The following SIPA1L3 variants were observed in gnomAD, a reference collection of about 807,000 sequenced individuals.
SIPA1L3 encodes the protein signal-induced proliferation-associated 1-like protein 3.
SIPA1L3 carries 59 observed loss-of-function variants against 150.1 expected under a neutral mutation model. The ratio of observed to expected loss-of-function variants is 0.39; its 90% CI spans 0.32 to 0.49. The LOEUF is 0.49. SIPA1L3 is among the 20% of genes least tolerant of loss of function. The pLI is 0.86. For missense variants in SIPA1L3, 2,211 were observed against 2,489.5 expected (o/e 0.89, Z 2.38); for synonymous variants, 1,070 against 1,077.6 (o/e 0.99, Z 0.14).
intron 16 of SIPA1L3, among the ~76,000 whole-genome samples, chr19:38,191,412 A>C (rs1393359088): frequency 6.6e-6 from 1 of 150,644 alleles, no homozygotes; most frequent in Non-Finnish European, 1.5e-5. Context: ...AAAAAAAAAA[A>C]CCAAAAAGCA....
chr19:38,036,566 C>T (rs555065962), intron 2 of SIPA1L3, among the ~76,000 whole-genome samples: 3 of 152,314 alleles, frequency 2.0e-5, no homozygotes, highest in South Asian at 2.1e-4. Context: ...CACTGAGTTC[C>T]GTGCTGGGTG....
chr19:38,053,176 T>C (rs1255740852), intron 2 of SIPA1L3, among the ~76,000 whole-genome samples: 1 of 152,136 alleles, frequency 6.6e-6, no homozygotes, highest in Non-Finnish European at 1.5e-5. Flanking sequence ...GGTGCCCAGA[T>C]ACACAAACAG....
intron 1 of SIPA1L3, among the ~76,000 whole-genome samples, chr19:37,937,375 T>G (rs1031953039): frequency 6.6e-6 from 1 of 152,174 alleles, no homozygotes; most frequent in Non-Finnish European, 1.5e-5. Flanking sequence ...CTGCCTGCTC[T>G]CTCAGAAGTG....
chr19:37,926,827 C>T (rs1170966463), intron 1 of SIPA1L3, among the ~76,000 whole-genome samples: 1 of 152,190 alleles, frequency 6.6e-6, no homozygotes, highest in Non-Finnish European at 1.5e-5. Flanking sequence ...ACAACTGCAG[C>T]AGCAAGTAGG....
intron 13 of SIPA1L3, 152 bp from the exon 14 acceptor site, chr19:38,162,101 G>A: frequency 2.9e-6 from 2 of 689,562 alleles, no homozygotes; most frequent in Non-Finnish European, 5.4e-6. Context: ...TATGTGCTGA[G>A]ATGTATTCTC....
chr19:38,203,848 G>A (rs187587947), intron 20 of SIPA1L3: 5 of 423,496 alleles, frequency 1.2e-5, no homozygotes, highest in African/African-American at 4.1e-5. Context: ...TCACATGCAC[G>A]GCCCAGCCTC....
chr19:38,063,105 C>T (rs973069213), intron 2 of SIPA1L3, among the ~76,000 whole-genome samples: 1 of 152,244 alleles, frequency 6.6e-6, no homozygotes. Context: ...GTTATGGTGT[C>T]ATGTGCTCTG....
intron 2 of SIPA1L3, among the ~76,000 whole-genome samples, chr19:38,070,985 C>CT (rs774376692): frequency 1.1e-4 from 17 of 152,270 alleles, no homozygotes; most frequent in Middle Eastern, 3.4e-3. Flanking sequence ...CCCTCTACCT[C>CT]TAAGCAAAGG....
intron 2 of SIPA1L3, among the ~76,000 whole-genome samples, chr19:38,065,253 T>C (rs904881320): frequency 5.9e-5 from 9 of 152,094 alleles, no homozygotes; most frequent in Non-Finnish European, 7.4e-5. Flanking sequence ...CGGAGGACTC[T>C]GCCTTTGGAA....
chr19:38,004,462 G>A (rs1161959454), intron 1 of SIPA1L3, among the ~76,000 whole-genome samples: 1 of 152,188 alleles, frequency 6.6e-6, no homozygotes, highest in Non-Finnish European at 1.5e-5. Context: ...CAGGAGCCTG[G>A]GGCTATTGCC....
chr19:38,202,815 G>A lies in SIPA1L3; in HGVS notation c.5120+818G>A, dbSNP rs112487663. The stretch of plus-strand genomic sequence containing the variant: ...GAGGACCTAGTGGCAACTGAGGCCA[G>A]GCCTGGCCCTCAGGAAGCTTCACGG... On this transcript the variant is annotated intron_variant, in intron 20 of 21. Coordinates refer to ENST00000222345, the MANE Select transcript of SIPA1L3 (RefSeq NM_015073.3). Among the ~76,000 whole-genome samples, 17 of 152,280 alleles carry A rather than the reference G, an allele frequency of 1.1e-4. No homozygotes were observed. The East Asian group carries it at 3.1e-3, about 28-fold the overall frequency.
Position 37,956,020 on chromosome 19 carries a change from C to T in SIPA1L3, c.-379+48662C>T, listed in dbSNP as rs2046807272. On this transcript the variant is annotated intron_variant, in intron 1 of 21. Transcript: ENST00000222345. ...CATAGATAGGGTCTCATGATGTTGT[C>T]CAGGCTGGAGTACAATGGCTATTCA... Among the ~76,000 whole-genome samples the T allele has an allele frequency of 6.6e-5, 10 of 152,298 alleles. No homozygotes were observed. In the South Asian group the frequency reaches 2.1e-3, roughly 32 times the overall value.
intron 1 of SIPA1L3, among the ~76,000 whole-genome samples, chr19:37,957,195 T>TTTAGAAA (rs1482601689): frequency 5.9e-5 from 9 of 152,370 alleles, no homozygotes; most frequent in African/African-American, 2.2e-4. Flanking sequence ...TTAAAGTTAC[T>TTTAGAAA]TTAGAAATCG....
intron 7 of SIPA1L3, chr19:38,109,410 G>A (rs1044165344): frequency 6.6e-6 from 1 of 152,154 alleles, no homozygotes; most frequent in Non-Finnish European, 1.5e-5. Flanking sequence ...TCCTTCCCAC[G>A]ACATGTGGGA....
chr19:38,141,656 T>C (rs1253345265), intron 11 of SIPA1L3, among the ~76,000 whole-genome samples: 1 of 152,168 alleles, frequency 6.6e-6, no homozygotes, highest in African/African-American at 2.4e-5. Flanking sequence ...AGCTCTGGGT[T>C]AGAAATCCAT....
At chr19:38,124,310 T>C (rs1971114352) in intron 9 of SIPA1L3, among the ~76,000 whole-genome samples, 1 of 148,796 alleles carries the variant, frequency 6.7e-6, no homozygotes, top group Non-Finnish European at 1.5e-5. Context: ...GAGACGCTCC[T>C]CACCTCCCAG....
intron 1 of SIPA1L3, among the ~76,000 whole-genome samples, chr19:37,992,468 C>T (rs568318264): frequency 3.9e-5 from 6 of 152,080 alleles, no homozygotes; most frequent in East Asian, 3.9e-4. Flanking sequence ...CTGGCCAACA[C>T]GGCGAGACCC....
At chr19:38,032,684 T>C (rs1968678794) in intron 2 of SIPA1L3, among the ~76,000 whole-genome samples, 1 of 151,954 alleles carries the variant, frequency 6.6e-6, no homozygotes, top group African/African-American at 2.4e-5. Flanking sequence ...AAACCCCGTC[T>C]CTACTAAAAA....
At chr19:37,915,441 G>T (rs576026281) in intron 1 of SIPA1L3, among the ~76,000 whole-genome samples, 3 of 152,204 alleles carry the variant, frequency 2.0e-5, no homozygotes, top group Admixed American at 2.0e-4. Context: ...GAGTGCAGTG[G>T]TGTGATCTGG....
Sources: allele counts gnomAD v4.1 joint callset (sites outside exome capture counted in the v4.1 genomes callset), GRCh38; gene constraint gnomAD v4.1.1; transcripts MANE v1.5; gene names NCBI Gene and HGNC (gene_info 2026-07-23, HGNC 2026-07-21).